The following CHD3 variants were observed in gnomAD, a reference collection of about 807,000 sequenced individuals.
The protein encoded by CHD3 is ATP-dependent chromatin remodeler CHD3.
A neutral mutation model predicts 248.9 loss-of-function variants in CHD3; 52 were observed. The ratio of observed to expected loss-of-function variants is 0.21; its 90% CI spans 0.17 to 0.26. CHD3 has a LOEUF of 0.26. CHD3 is among the 10% of genes least tolerant of loss of function. CHD3 has a pLI of 1.00. For synonymous variants in CHD3, 985 were observed against 985.2 expected, an observed-to-expected ratio of 1.00 and a Z score of 0.00; for missense variants, 1,482 against 2,605.8, an observed-to-expected ratio of 0.57 and a Z score of 9.39.
rs1231286244 is a variant in CHD3, at chr17:7,905,070, C to T, written c.4073-30C>T. The T allele has an allele frequency of 1.9e-6, 3 of 1,609,926 alleles. No homozygotes were observed. The South Asian group carries it at 3.3e-5, about 18-fold the overall frequency. ...CATGGGCATATCCCGAGAGCCCTCC[C>T]TGACCACTGGGCCCTTTCCACCCCC... On this transcript the variant is annotated intron_variant, in intron 25 of 39. Transcript: ENST00000330494. This position sits in a 1 kb window ranked among gnomAD's most constrained non-coding sequence, Gnocchi z 5.8.
chr17:7,885,385 G>C (rs1283538583), upstream of CHD3: 1 of 152,366 alleles, frequency 6.6e-6, no homozygotes, highest in Non-Finnish European at 1.4e-5. Flanking sequence ...TGCGCGCGCG[G>C]ACCGGGCCAC....
intron 2 of CHD3, 186 bp from the exon 3 acceptor site, chr17:7,890,385 C>T (rs1023013711): frequency 1.6e-5 from 8 of 489,660 alleles, no homozygotes; most frequent in South Asian, 6.6e-5. Context: ...GCCGAGATCA[C>T]GTCAGTGCAC....
chr17:7,911,576 AGAC>A lies in CHD3; in HGVS notation c.5998_6000del (p.Asp2000del). The A allele has an allele frequency of 6.2e-7, 1 of 1,614,116 alleles. No homozygotes were observed. Among genetic ancestry groups the A allele is most frequent in the Non-Finnish European group, 8.5e-7 (1 of 1,179,966 alleles). On this transcript the variant is annotated inframe_deletion, in exon 40 of 40. Coordinates refer to ENST00000330494, the MANE Select transcript of CHD3 (RefSeq NM_001005273.3). This position sits in a 1 kb window ranked among gnomAD's most constrained non-coding sequence, Gnocchi z 5.4. ...CCCGAGCCGGGGAGGTGATCTGTAT[AGAC>A]GACTGACTGGATCCCAGGCCTGCCC... is the stretch of plus-strand genomic sequence containing the variant.
chr17:7,906,537 C>T lies in CHD3; in HGVS notation c.4359-16C>T. On this transcript the variant is annotated splice_polypyrimidine_tract_variant and intron_variant, in intron 28 of 39. Coordinates refer to ENST00000330494, the MANE Select transcript of CHD3 (RefSeq NM_001005273.3). The surrounding 1 kb of genome is among the most constrained non-coding windows in gnomAD (Gnocchi z 5.0). ...TGTGGCTCCCCTAACCCTCCTCCCA[C>T]TCCCATGCTCCTTAGGGCCTATGTG... The T allele has an allele frequency of 6.2e-7, 1 of 1,613,600 alleles. No homozygotes were observed. The highest frequency in any genetic ancestry group is 8.5e-7 in the Non-Finnish European group (1 of 1,179,874).
rs1971047624 is a variant in CHD3 at position 7,907,004 on chromosome 17, A to G, written c.4639A>G (p.Thr1547Ala). The G allele has an allele frequency of 3.7e-6, 6 of 1,614,036 alleles. No homozygotes were observed. The highest frequency in any genetic ancestry group is 5.1e-6 in the Non-Finnish European group (6 of 1,180,032). The change falls in exon 30 of 40, where the codon ACC (threonine) becomes GCC (alanine). Residue 1547 changes from threonine to alanine, a missense_variant. Thr to Ala is a moderately conservative substitution (Grantham distance 58, BLOSUM62 0). Coordinates refer to ENST00000330494, the MANE Select transcript of CHD3 (RefSeq NM_001005273.3). This position sits in a 1 kb window ranked among gnomAD's most constrained non-coding sequence, Gnocchi z 4.3. Reference protein sequence around the residue: ...TSPTTPEASATNSPCTSKPAT... With the variant: ...TSPTTPEASAANSPCTSKPAT... ...TCCCACCACTCCTGAGGCTTCTGCT[A>G]CCAACAGTCCCTGCACCTCTAAACC...
In CHD3 at chr17:7,888,819, A is replaced by G. The variant is rs1968397071; in HGVS notation, c.-182A>G. ...TTTGTTTGGGTCTCCCATACTGCGT[A>G]TAGATGAATGGGTCAGGATATCTGG... On this transcript the variant is annotated 5_prime_UTR_variant, in exon 1 of 40. Transcript: ENST00000330494. 6.9e-7 allele frequency: 1 copy of G among 1,441,316 alleles called. No homozygotes were observed. Among genetic ancestry groups the G allele is most frequent in the Non-Finnish European group, 9.1e-7 (1 of 1,102,362 alleles). The allele number at this position is 1,441,316 out of a possible 1,614,324, so 89.3% of individuals were successfully genotyped here.
chr17:7,897,830 T>C lies in CHD3; in HGVS notation c.1920-141T>C. 1.2e-6 allele frequency: 1 copy of C among 867,756 alleles called. No individual in the cohort carries two copies. Among genetic ancestry groups the C allele is most frequent in the East Asian group, 2.5e-5 (1 of 39,768 alleles). The allele number at this position is 867,756 out of a possible 1,614,324, so 53.8% of individuals were successfully genotyped here. On this transcript the variant is annotated intron_variant, in intron 11 of 39. Transcript: ENST00000330494. This position sits in a 1 kb window ranked among gnomAD's most constrained non-coding sequence, Gnocchi z 4.8. ...GGCTGCTAGGTCAACTATTCCAATC[T>C]CCCTTCCAGCAGCTCACTGTTGACG...
chr17:7,908,311 A>C lies in CHD3; in HGVS notation c.5153-91A>C. The C allele has an allele frequency of 9.3e-7, 1 of 1,070,446 alleles. No individual in the cohort carries two copies. The highest frequency in any genetic ancestry group is 1.4e-6 in the Non-Finnish European group (1 of 717,162). The allele number at this position is 1,070,446 out of a possible 1,614,324, so 66.3% of individuals were successfully genotyped here. The stretch of plus-strand genomic sequence containing the variant: ...CTTCAGGAGCCCTTAGTTCCCTTTC[A>C]TTATTCAGTTTCTCCATCTCTACCT... On this transcript the variant is annotated intron_variant, in intron 34 of 39. Transcript: ENST00000330494. The surrounding 1 kb of genome is among the most constrained non-coding windows in gnomAD (Gnocchi z 5.8).
chr17:7,884,833 GGA>G, upstream of CHD3: 1 of 978,296 alleles, frequency 1.0e-6, no homozygotes, highest in Non-Finnish European at 1.5e-6. Context: ...GGGACGAGGA[GGA>G]GGAGGAGGAG....
chr17:7,894,733 C>G (rs538134862), intron 8 of CHD3, 125 bp downstream of exon 8: 3 of 1,344,036 alleles, frequency 2.2e-6, no homozygotes, highest in Admixed American at 2.1e-5. Flanking sequence ...GTCCGAGTGT[C>G]TAGGATCCTA....
chr17:7,886,191 G>A (rs1351759644), upstream of CHD3, among the ~76,000 whole-genome samples: 1 of 152,240 alleles, frequency 6.6e-6, no homozygotes, highest in Non-Finnish European at 1.5e-5. The surrounding 1 kb of genome is among the most constrained non-coding windows in gnomAD (Gnocchi z 4.2). Context: ...CCATCACTCA[G>A]CACCCGTCCC....
In CHD3 at chr17:7,910,112, C is replaced by T. The variant is rs939987499; in HGVS notation, c.5591-316C>T. 19 of 405,118 alleles carry T rather than the reference C, an allele frequency of 4.7e-5. No individual in the cohort carries two copies. In the Admixed American group the frequency reaches 8.3e-4, roughly 18 times the overall value. The allele number at this position is 405,118 out of a possible 1,614,324, so 25.1% of individuals were successfully genotyped here. A position where few individuals can be genotyped will look rare whatever the true frequency, so the allele number is the denominator to read the frequency against. ...ATGAGATGTTCTGACAACTCCCCGC[C>T]CCCATGTCTTCCAATGTCCCCCCAT... On this transcript the variant is annotated intron_variant, in intron 37 of 39. Coordinates refer to ENST00000330494, the MANE Select transcript of CHD3 (RefSeq NM_001005273.3). The surrounding 1 kb of genome is among the most constrained non-coding windows in gnomAD (Gnocchi z 4.7).
rs757169684 is a variant in CHD3, at chr17:7,910,387, GTCTTTCTCTTGCCCT to G, written c.5591-31_5591-17del. The G allele has an allele frequency of 4.3e-6, 7 of 1,613,430 alleles. No individual in the cohort carries two copies. In the South Asian group the frequency reaches 6.6e-5, roughly 15 times the overall value. On this transcript the variant is annotated intron_variant, in intron 37 of 39. Coordinates refer to ENST00000330494, the MANE Select transcript of CHD3 (RefSeq NM_001005273.3). The surrounding 1 kb of genome is among the most constrained non-coding windows in gnomAD (Gnocchi z 4.7). ...CCTGGCTCCATCTCTGTATTTCCCT[GTCTTTCTCTTGCCCT>G]TCTTTCTCTGTGGCCCGGGCCCCAG... is the stretch of plus-strand genomic sequence containing the variant.
chr17:7,910,569 G>T lies in CHD3; in HGVS notation c.5732G>T (p.Gly1911Val). The change falls in exon 38 of 40, where the codon GGC becomes GTC. Residue 1911 changes from glycine to valine, a missense_variant. Coordinates refer to ENST00000330494, the MANE Select transcript of CHD3 (RefSeq NM_001005273.3). This position sits in a 1 kb window ranked among gnomAD's most constrained non-coding sequence, Gnocchi z 4.7. ...ATCCTCAGCCGGCTGGCCAGCAAGG[G>T]CACGGAGCCTCACCCCACACCGGTA... ...RSILSRLASK[G>V]TEPHPTPAYP... is the part of the protein sequence containing the mutation. 1.2e-6 allele frequency: 2 copies of T among 1,611,214 alleles called. No individual in the cohort carries two copies. Among genetic ancestry groups the T allele is most frequent in the Non-Finnish European group, 8.5e-7 (1 of 1,179,954 alleles).
In CHD3 at chr17:7,904,687, A is replaced by G; in HGVS notation, c.4072+68A>G. 7.2e-7 allele frequency: 1 copy of G among 1,394,114 alleles called. No homozygotes were observed. The highest frequency in any genetic ancestry group is 9.9e-7 in the Non-Finnish European group (1 of 1,010,532). 86.4% of individuals were successfully genotyped at this position (1,394,114 alleles called of 1,614,324 possible). ...TGATGAGTAGGGACTTGAAGGCTGG[A>G]GCTATTTAGAGGGAAAGAGAGAAGC... On this transcript the variant is annotated intron_variant, in intron 25 of 39. Transcript: ENST00000330494. The surrounding 1 kb of genome is among the most constrained non-coding windows in gnomAD (Gnocchi z 4.4).
In CHD3 at chr17:7,908,747, T is replaced by C; in HGVS notation, c.5312T>C (p.Ile1771Thr). 4 of 1,614,108 alleles carry C rather than the reference T, an allele frequency of 2.5e-6. No individual in the cohort carries two copies. The highest frequency in any genetic ancestry group is 3.4e-6 in the Non-Finnish European group (4 of 1,180,002). ...QDIQNDAQFA[I>T]INEPFKTEAN... ...ATCCAGAATGATGCTCAATTTGCCA[T>C]TATCAACGAGCCATTTAAAACTGAA... is the stretch of plus-strand genomic sequence containing the variant. Residue 1771 changes from isoleucine (I) to threonine (T), a missense_variant, in exon 36 of 40, where the codon ATT (isoleucine) becomes ACT (threonine). Transcript: ENST00000330494. This position sits in a 1 kb window ranked among gnomAD's most constrained non-coding sequence, Gnocchi z 5.8.
At position 7,907,688 on chromosome 17, in the gene CHD3, A is replaced by T. The variant is rs937659914; in HGVS notation, c.5012A>T (p.Asp1671Val). 1 of 1,533,024 alleles carries T rather than the reference A, an allele frequency of 6.5e-7. No individual in the cohort carries two copies. Among genetic ancestry groups the T allele is most frequent in the Middle Eastern group, 1.7e-4 (1 of 5,834 alleles). The allele number at this position is 1,533,024 out of a possible 1,614,324, so 95.0% of individuals were successfully genotyped here. The change falls in exon 33 of 40, where the codon GAT becomes GTT. Residue 1671 changes from aspartate to valine, a missense_variant. Asp to Val is a radical substitution (Grantham distance 152, BLOSUM62 -3). Coordinates refer to ENST00000330494, the MANE Select transcript of CHD3 (RefSeq NM_001005273.3). This position sits in a 1 kb window ranked among gnomAD's most constrained non-coding sequence, Gnocchi z 4.3. ...HRERPEGETG[D>V]LGKREDVKGD... The stretch of plus-strand genomic sequence containing the variant: ...GAGAGGCCGGAGGGGGAAACAGGGG[A>T]TTTGGGCAAGAGAGGTAATGGGTGG...
In CHD3 at chr17:7,909,256, C is replaced by T. The variant is rs538293220; in HGVS notation, c.5508C>T (p.Ala1836=). 8 of 1,555,076 alleles carry T rather than the reference C, an allele frequency of 5.1e-6. No homozygotes were observed. Among genetic ancestry groups the T allele is most frequent in the African/African-American group, 4.1e-5 (3 of 73,318 alleles). Residue 1836 remains alanine (A), a synonymous_variant, in exon 37 of 40, where the codon GCC becomes GCT. Transcript: ENST00000330494. This position sits in a 1 kb window ranked among gnomAD's most constrained non-coding sequence, Gnocchi z 8.1. ...CCCTCCACGCCCGCTTCGCCGAGGC[C>T]GAGTGCCTGGCCGAGAGCCACCAGC... is the stretch of plus-strand genomic sequence containing the variant. ...AMALHARFAE[A]ECLAESHQHL...
intron 4 of CHD3, among the ~76,000 whole-genome samples, chr17:7,891,729 C>T (rs1437276326): frequency 6.6e-6 from 1 of 152,070 alleles, no homozygotes; most frequent in Admixed American, 6.6e-5. Flanking sequence ...GGCGTGGTGG[C>T]ACATGCCTGT....
Sources: allele counts gnomAD v4.1 joint callset (sites outside exome capture counted in the v4.1 genomes callset), GRCh38; gene constraint gnomAD v4.1.1; non-coding constraint Gnocchi (gnomAD v3.1); transcripts MANE v1.5; gene names NCBI Gene and HGNC (gene_info 2026-07-23, HGNC 2026-07-21).